Variants in FAM169A observed in about 807,000 individuals in gnomAD.
FAM169A encodes the protein family with sequence similarity 169 member A.
Under a neutral mutation model 75.7 loss-of-function variants are expected in FAM169A, and 24 were observed. The observed-to-expected ratio is 0.32, with a 90% CI of 0.23 to 0.45. The LOEUF is 0.45. FAM169A is among the 20% of genes least tolerant of loss of function. The pLI is 1.00. For synonymous variants in FAM169A, 271 were observed against 271.0 expected, an observed-to-expected ratio of 1.00 and a Z score of 0.00; for missense variants, 673 against 784.0, an observed-to-expected ratio of 0.86 and a Z score of 1.69.
In FAM169A at chr5:74,813,979, C is replaced by T. The variant is rs762501036; in HGVS notation, c.531G>A (p.Leu177=). ...CASFLTQSYQ[L]PVLDTMFLRK... ...TTAGAAACATTGTATCAAGAACTGG[C>T]AATTGGTAACTTTGGGTAAGAAAAG... Residue 177 remains leucine, a synonymous_variant, in exon 6 of 13, where the codon TTG becomes TTA. Coordinates refer to ENST00000687041, the MANE Select transcript of FAM169A (RefSeq NM_001376049.1). 2.6e-5 allele frequency: 42 copies of T among 1,595,926 alleles called. No individual in the cohort carries two copies. Among genetic ancestry groups the T allele is most frequent in the Non-Finnish European group, 3.4e-5 (40 of 1,174,668 alleles).
At chr5:74,858,630 G>T (rs1026067248) in intron 1 of FAM169A, among the ~76,000 whole-genome samples, 1 of 151,948 alleles carries the variant, frequency 6.6e-6, no homozygotes, top group Non-Finnish European at 1.5e-5. Context: ...TACCTATCAG[G>T]TACTATGCAC....
At chr5:74,785,164 C>A (rs1250003252) in intron 11 of FAM169A, among the ~76,000 whole-genome samples, 1 of 148,774 alleles carries the variant, frequency 6.7e-6, no homozygotes, top group South Asian at 2.1e-4. Context: ...ACTAAAAATA[C>A]AAAAATTAGC....
Position 74,780,469 on chromosome 5 carries a change from T to C in FAM169A, c.*991A>G, listed in dbSNP as rs1398465233. 2.6e-5 allele frequency: 4 copies of C among 152,192 alleles called. No homozygotes were observed. The highest frequency in any genetic ancestry group is 1.3e-4 in the Admixed American group (2 of 15,284). 9.4% of individuals were successfully genotyped at this position (152,192 alleles called of 1,614,324 possible). A position where few individuals can be genotyped will look rare whatever the true frequency, so the allele number is the denominator to read the frequency against. On this transcript the variant is annotated 3_prime_UTR_variant, in exon 13 of 13. Transcript: ENST00000687041. The stretch of plus-strand genomic sequence containing the variant: ...GATGAAAGCTGTGGGGGAATATAAA[T>C]AAGACTGTAGAATTAGGGAGGTGGC...
chr5:74,795,455 G>C (rs1746220827), intron 11 of FAM169A, among the ~76,000 whole-genome samples: 1 of 151,994 alleles, frequency 6.6e-6, no homozygotes, highest in Non-Finnish European at 1.5e-5. Flanking sequence ...AAAGAAGCTG[G>C]GGATAAATAC....
Position 74,799,324 on chromosome 5 carries a change from T to C in FAM169A, c.1103+1556A>G, listed in dbSNP as rs1288381828. The C allele has an allele frequency of 1.4e-5, 23 of 1,604,000 alleles. No homozygotes were observed. In the East Asian group the frequency reaches 5.1e-4, roughly 36 times the overall value. ...GAAGTGGTCCGCCCTAGAGAACAAA[T>C]TTGCTGTGGGAAGTGAAGCACGACT... On this transcript the variant is annotated intron_variant, in intron 10 of 12. Coordinates refer to ENST00000687041, the MANE Select transcript of FAM169A (RefSeq NM_001376049.1).
chr5:74,861,087 A>G (rs77042950), intron 1 of FAM169A, among the ~76,000 whole-genome samples: 2 of 152,306 alleles, frequency 1.3e-5, no homozygotes, highest in East Asian at 3.9e-4. Flanking sequence ...CGGTGAGCTG[A>G]GATTGCACCA....
intron 1 of FAM169A, among the ~76,000 whole-genome samples, chr5:74,844,665 A>G: frequency 6.6e-6 from 1 of 151,970 alleles, no homozygotes. Context: ...TAAAAGTACA[A>G]AAAATTAGCT....
At position 74,841,917 on chromosome 5, in the gene FAM169A, G is replaced by C. The variant is rs927593237; in HGVS notation, c.-3-238C>G. Among the ~76,000 whole-genome samples the C allele has an allele frequency of 3.9e-5, 6 of 152,070 alleles. No individual in the cohort carries two copies. In the South Asian group the frequency reaches 6.2e-4, roughly 16 times the overall value. On this transcript the variant is annotated intron_variant, in intron 1 of 12. Transcript: ENST00000687041. ...GGCAATGAAATAAATTAACAGATAC[G>C]TCCTTACATAATAAATATGGTCACA...
rs1745232004 is a variant in FAM169A at position 74,778,449 on chromosome 5, C to T, written c.*3011G>A. 6.6e-6 allele frequency: 1 copy of T among 151,918 alleles called. No homozygotes were observed. Among genetic ancestry groups the T allele is most frequent in the Admixed American group, 6.6e-5 (1 of 15,256 alleles). The allele number at this position is 151,918 out of a possible 1,614,324, so 9.4% of individuals were successfully genotyped here. ...TTCAAGATTTCTAGTCACTGAAACC[C>T]CATTGTAGGTAGTGTTCTGGAGTCT... On this transcript the variant is annotated 3_prime_UTR_variant, in exon 13 of 13. Coordinates refer to ENST00000687041, the MANE Select transcript of FAM169A (RefSeq NM_001376049.1).
chr5:74,842,050 T>C (rs1001209047), intron 1 of FAM169A, among the ~76,000 whole-genome samples: 5 of 151,838 alleles, frequency 3.3e-5, no homozygotes, highest in Non-Finnish European at 7.4e-5. Flanking sequence ...CGAGAACTTG[T>C]TGGAATAATG....
At chr5:74,802,401 A>G (rs1306862355) in intron 8 of FAM169A, among the ~76,000 whole-genome samples, 1 of 151,994 alleles carries the variant, frequency 6.6e-6, no homozygotes, top group African/African-American at 2.4e-5. Context: ...AAAAAAGAGG[A>G]AAAAACTTTT....
chr5:74,782,844 G>T, intron 12 of FAM169A, 87 bp downstream of exon 12: 1 of 874,430 alleles, frequency 1.1e-6, no homozygotes, highest in Non-Finnish European at 1.8e-6. Flanking sequence ...TGTAAAGGTG[G>T]AAGCAAATAT....
At chr5:74,799,909 C>T (rs1035064447) in intron 10 of FAM169A, 17 of 912,330 alleles carry the variant, frequency 1.9e-5, no homozygotes, top group Middle Eastern at 2.1e-4. Context: ...TTCTGCAACA[C>T]GGACAAGAGG....
intron 1 of FAM169A, among the ~76,000 whole-genome samples, chr5:74,849,053 C>A (rs1196354523): frequency 6.6e-6 from 1 of 152,108 alleles, no homozygotes; most frequent in Non-Finnish European, 1.5e-5. Flanking sequence ...AAAACTGACA[C>A]AGAATGGACA....
At chr5:74,839,373 CATA>C (rs1429853524) in intron 3 of FAM169A, among the ~76,000 whole-genome samples, 1 of 151,954 alleles carries the variant, frequency 6.6e-6, no homozygotes, top group Admixed American at 6.6e-5. Context: ...CTGATGGTTT[CATA>C]ATGTTTGACT....
intron 11 of FAM169A, among the ~76,000 whole-genome samples, chr5:74,783,559 T>C (rs1745521396): frequency 6.6e-6 from 1 of 152,212 alleles, no homozygotes; most frequent in Non-Finnish European, 1.5e-5. Context: ...GCATCTGGAA[T>C]CTATGGGAAA....
At chr5:74,818,892 T>C (rs1245546496) in intron 5 of FAM169A, among the ~76,000 whole-genome samples, 4 of 151,610 alleles carry the variant, frequency 2.6e-5, no homozygotes, top group African/African-American at 9.7e-5. Flanking sequence ...ACAATAAGGC[T>C]GGGAAAAATG....
At chr5:74,845,236 A>G (rs1580158355) in intron 1 of FAM169A, among the ~76,000 whole-genome samples, 1 of 152,136 alleles carries the variant, frequency 6.6e-6, no homozygotes, top group Non-Finnish European at 1.5e-5. Context: ...CTTCATGTAC[A>G]TGCCGGGTGC....
At position 74,778,574 on chromosome 5, in the gene FAM169A, CT is replaced by C. The variant is rs1745240035; in HGVS notation, c.*2885del. 1 of 143,738 alleles carries C rather than the reference CT, an allele frequency of 7.0e-6. No individual in the cohort carries two copies. 8.9% of individuals were successfully genotyped at this position (143,738 alleles called of 1,614,324 possible). On this transcript the variant is annotated 3_prime_UTR_variant, in exon 13 of 13. Transcript: ENST00000687041. Reference sequence around the variant, plus strand: ...ACATTTTAAGTAGAAGACTGACGTTCTAAATCATGCTGTTTGATTTTATAAA... The same window carrying C: ...ACATTTTAAGTAGAAGACTGACGTTCAAATCATGCTGTTTGATTTTATAAA...
Sources: allele counts gnomAD v4.1 joint callset (sites outside exome capture counted in the v4.1 genomes callset), GRCh38; gene constraint gnomAD v4.1.1; transcripts MANE v1.5; gene names NCBI Gene and HGNC (gene_info 2026-07-23, HGNC 2026-07-21).